INPP4B: variants seen among roughly 807,000 people sequenced by gnomAD.
INPP4B encodes inositol polyphosphate 4-phosphatase type II.
In INPP4B, 55 loss-of-function variants were observed where a neutral mutation model predicts 122.5. The ratio of observed to expected loss-of-function variants is 0.45; its 90% CI spans 0.36 to 0.56. The LOEUF is 0.56. Ranked by LOEUF, INPP4B falls within the 20% of genes least tolerant of loss-of-function variation. The pLI, the probability that INPP4B is intolerant of heterozygous loss-of-function variation, is 0.00. For missense variants in INPP4B, 1,000 were observed against 1,097.7 expected (o/e 0.91, Z 1.26); for synonymous variants, 403 against 388.7 (o/e 1.04, Z -0.43).
intron 7 of INPP4B, among the ~76,000 whole-genome samples, chr4:142,351,322 T>C (rs1781865260): frequency 1.3e-5 from 2 of 152,030 alleles, no homozygotes; most frequent in African/African-American, 4.8e-5. Flanking sequence ...CATCCTACAG[T>C]TGCCACTTCT....
At chr4:142,669,870 C>G (rs541573673) in intron 2 of INPP4B, among the ~76,000 whole-genome samples, 3 of 152,044 alleles carry the variant, frequency 2.0e-5, no homozygotes, top group Non-Finnish European at 4.4e-5. Context: ...AAAAGGGAAC[C>G]CTGTATCCTG....
intron 5 of INPP4B, among the ~76,000 whole-genome samples, chr4:142,422,051 T>C (rs547126933): frequency 1.4e-4 from 21 of 152,258 alleles, no homozygotes; most frequent in Admixed American, 9.2e-4. Flanking sequence ...CTTTAGAACG[T>C]AGACCGTTGA....
intron 2 of INPP4B, among the ~76,000 whole-genome samples, chr4:142,498,387 A>C (rs1822926615): frequency 6.6e-6 from 1 of 152,072 alleles, no homozygotes; most frequent in African/African-American, 2.4e-5. Flanking sequence ...TGATGGAAAT[A>C]AACTGAGATA....
intron 25 of INPP4B, among the ~76,000 whole-genome samples, chr4:142,049,468 G>T (rs776467173): frequency 2.0e-5 from 3 of 151,924 alleles, no homozygotes; most frequent in African/African-American, 2.4e-5. Context: ...CCTTAAAGAG[G>T]TCTATTTATG....
chr4:142,636,253 C>A (rs369546740), intron 2 of INPP4B, among the ~76,000 whole-genome samples: 2 of 151,996 alleles, frequency 1.3e-5, no homozygotes, highest in Non-Finnish European at 2.9e-5. Flanking sequence ...TTATAAATTA[C>A]CAAGTCTCGG....
At chr4:142,812,564 G>A (rs972014900) in intron 1 of INPP4B, among the ~76,000 whole-genome samples, 1 of 151,922 alleles carries the variant, frequency 6.6e-6, no homozygotes, top group South Asian at 2.1e-4. Flanking sequence ...ACATAAGCAC[G>A]TGCTATTCAT....
intron 21 of INPP4B, among the ~76,000 whole-genome samples, chr4:142,121,287 T>A (rs181490285): frequency 2.0e-5 from 3 of 152,246 alleles, no homozygotes; most frequent in Non-Finnish European, 4.4e-5. Flanking sequence ...GTATCCTTCA[T>A]AACATTTAAA....
Position 142,431,193 on chromosome 4 carries a change from C to G in INPP4B, c.67G>C (p.Asp23His), listed in dbSNP as rs141218883. The change falls in exon 4 of 26, where the codon GAT becomes CAT. Residue 23 changes from aspartate to histidine, a missense_variant. Coordinates refer to ENST00000262992, the MANE Select transcript of INPP4B (RefSeq NM_001101669.3). ...QHFLPTAQANDPGDCQFTSIQ... is the reference protein window; with the variant it reads ...QHFLPTAQANHPGDCQFTSIQ... ...CTTGTGAACTGACAGTCCCCGGGAT[C>G]ATTGGCCTGGGCTGTAGGAAGAAAG... 71 of 1,613,070 alleles carry G rather than the reference C, an allele frequency of 4.4e-5. No homozygotes were observed. The highest frequency in any genetic ancestry group is 5.7e-5 in the Non-Finnish European group (67 of 1,179,346).
intron 16 of INPP4B, among the ~76,000 whole-genome samples, chr4:142,165,769 G>C (rs1010486758): frequency 6.6e-6 from 1 of 151,674 alleles, no homozygotes; most frequent in African/African-American, 2.4e-5. Context: ...ATTATACGGT[G>C]TTTTTCAAGC....
At chr4:142,169,512 G>C (rs1176640449) in intron 16 of INPP4B, among the ~76,000 whole-genome samples, 1 of 151,574 alleles carries the variant, frequency 6.6e-6, no homozygotes, top group African/African-American at 2.4e-5. Context: ...CTAGCTGCCT[G>C]GCATTGCTAT....
At chr4:142,716,432 T>C (rs577470999) in intron 2 of INPP4B, among the ~76,000 whole-genome samples, 1 of 152,338 alleles carries the variant, frequency 6.6e-6, no homozygotes, top group Admixed American at 6.5e-5. Context: ...CTTGGCTCTT[T>C]CTTATCTCTC....
intron 1 of INPP4B, among the ~76,000 whole-genome samples, chr4:142,745,077 A>G (rs916398803): frequency 1.3e-5 from 2 of 151,834 alleles, no homozygotes; most frequent in Non-Finnish European, 2.9e-5. Flanking sequence ...TGGAACTGTG[A>G]AGGGTTAGGT....
chr4:142,551,381 T>G (rs1408718830), intron 2 of INPP4B, among the ~76,000 whole-genome samples: 4 of 152,146 alleles, frequency 2.6e-5, no homozygotes, highest in African/African-American at 9.7e-5. Flanking sequence ...TTTCCTTTTG[T>G]GATTTCCTTT....
intron 3 of INPP4B, among the ~76,000 whole-genome samples, chr4:142,434,917 CATA>C (rs954246164): frequency 6.6e-5 from 10 of 152,062 alleles, no homozygotes; most frequent in Non-Finnish European, 1.3e-4. Flanking sequence ...CAAAAAAAGG[CATA>C]ATGTTTTAAG....
intron 12 of INPP4B, among the ~76,000 whole-genome samples, chr4:142,228,231 T>C (rs547674585): frequency 1.3e-5 from 2 of 151,850 alleles, no homozygotes; most frequent in East Asian, 3.9e-4. Flanking sequence ...TTAAAGATAA[T>C]ACAGATAAAA....
Position 142,562,254 on chromosome 4 carries a change from A to C in INPP4B, c.-190-99528T>G, listed in dbSNP as rs183772378. Among the ~76,000 whole-genome samples, 403 of 152,306 alleles carry C rather than the reference A, an allele frequency of 2.6e-3. 3 individuals are homozygous for C. The highest frequency in any genetic ancestry group is 9.5e-3 in the African/African-American group (394 of 41,554). ...CTCATGAAGCTTTGAAAGGTTTTCT[A>C]GTTGAAAAGTAATGTGAAAAACAAT... On this transcript the variant is annotated intron_variant, in intron 2 of 25. Transcript: ENST00000262992.
intron 2 of INPP4B, among the ~76,000 whole-genome samples, chr4:142,536,299 T>C (rs1358747888): frequency 6.6e-6 from 1 of 152,202 alleles, no homozygotes; most frequent in Non-Finnish European, 1.5e-5. Context: ...CTCTCTTTTC[T>C]CTGTGTGCCT....
intron 7 of INPP4B, among the ~76,000 whole-genome samples, chr4:142,374,199 C>T (rs1790992912): frequency 6.6e-6 from 1 of 151,894 alleles, no homozygotes. Context: ...TAAAGTAAGG[C>T]TCTCAGTGCT....
rs1843466447 is a variant in INPP4B, at chr4:142,208,449, G to A, written c.1048C>T (p.Gln350Ter). The A allele has an allele frequency of 1.3e-6, 2 of 1,587,166 alleles. No homozygotes were observed. The highest frequency in any genetic ancestry group is 2.3e-5 in the East Asian group (1 of 43,736). ...VPINLHLQRM[Q>*]VHSPHLKDAL... ...CCTTTCAAGTGAGGGCTGTGTACCT[G>A]CATTCTTTGCAGATGTAGATTTATT... Residue 350 changes from glutamine to a stop codon, truncating the protein, a stop_gained, in exon 14 of 26, where the codon CAG becomes TAG. Coordinates refer to ENST00000262992, the MANE Select transcript of INPP4B (RefSeq NM_001101669.3). LOFTEE classifies it high-confidence loss of function.
Sources: allele counts gnomAD v4.1 joint callset (sites outside exome capture counted in the v4.1 genomes callset), GRCh38; gene constraint gnomAD v4.1.1; transcripts MANE v1.5; gene names NCBI Gene and HGNC (gene_info 2026-07-23, HGNC 2026-07-21).